Variants in GRID2 observed in about 807,000 individuals in gnomAD.
GRID2 encodes the protein glutamate ionotropic receptor delta type subunit 2.
A neutral mutation model predicts 114.8 loss-of-function variants in GRID2; 33 were observed. That is an observed-to-expected ratio of 0.29 (90% confidence interval 0.22 to 0.38). The LOEUF is 0.38. Among genes scored for constraint, GRID2 ranks in the 10% least tolerant of loss-of-function variants. GRID2 has a pLI of 1.00. For missense variants in GRID2, 1,184 were observed against 1,257.7 expected, an observed-to-expected ratio of 0.94 and a Z score of 0.89; for synonymous variants, 505 against 449.9, an observed-to-expected ratio of 1.12 and a Z score of -1.55.
intron 2 of GRID2, among the ~76,000 whole-genome samples, chr4:92,638,922 T>C (rs1206465936): frequency 1.3e-5 from 2 of 151,254 alleles, no homozygotes; most frequent in African/African-American, 2.4e-5. Flanking sequence ...CAAAATGTGT[T>C]TGATTTTCAA....
chr4:93,268,254 G>A (rs1411705225), intron 8 of GRID2, among the ~76,000 whole-genome samples: 1 of 152,058 alleles, frequency 6.6e-6, no homozygotes, highest in Non-Finnish European at 1.5e-5. Flanking sequence ...CACCATCTGG[G>A]GAAAAACACT....
rs559176745 is a variant in GRID2, at chr4:92,763,063, G to T, written c.244+172777G>T. 7.9e-5 allele frequency among the ~76,000 whole-genome samples: 12 copies of T among 152,300 alleles called. No individual in the cohort carries two copies. The East Asian group carries it at 2.3e-3, about 29-fold the overall frequency. On this transcript the variant is annotated intron_variant, in intron 2 of 15. Coordinates refer to ENST00000282020, the MANE Select transcript of GRID2 (RefSeq NM_001510.4). ...AAAAGAGTATCAGCCGACTTTGGGA[G>T]TATACACACTGCCAAGACTTTTTTT...
chr4:92,481,135 A>G (rs1057270239), intron 1 of GRID2, among the ~76,000 whole-genome samples: 3 of 152,212 alleles, frequency 2.0e-5, no homozygotes, highest in Non-Finnish European at 4.4e-5. Flanking sequence ...CAGAATTAAT[A>G]TAGCTGTACT....
chr4:93,148,977 C>T (rs1736496005), intron 4 of GRID2, among the ~76,000 whole-genome samples: 1 of 152,030 alleles, frequency 6.6e-6, no homozygotes, highest in African/African-American at 2.4e-5. Flanking sequence ...TTTGCTTAGG[C>T]AAATGGCATC....
intron 2 of GRID2, among the ~76,000 whole-genome samples, chr4:92,987,603 AT>A (rs1274536078): frequency 3.9e-5 from 6 of 152,086 alleles, no homozygotes; most frequent in East Asian, 1.9e-4. Flanking sequence ...TTAAAAAAAA[AT>A]AAAAATAAGA....
intron 1 of GRID2, among the ~76,000 whole-genome samples, chr4:92,307,391 A>G (rs1725463127): frequency 6.6e-6 from 1 of 152,090 alleles, no homozygotes; most frequent in Non-Finnish European, 1.5e-5. Flanking sequence ...GTGTTCAAGC[A>G]GAAAGTAGCT....
At chr4:92,638,999 A>T (rs1057227691) in intron 2 of GRID2, among the ~76,000 whole-genome samples, 2 of 151,286 alleles carry the variant, frequency 1.3e-5, no homozygotes, top group African/African-American at 4.8e-5. Flanking sequence ...TTTGATAAGT[A>T]CGCATAATTT....
intron 2 of GRID2, among the ~76,000 whole-genome samples, chr4:92,660,705 A>G (rs1041400090): frequency 5.3e-5 from 8 of 151,202 alleles, no homozygotes; most frequent in Admixed American, 4.6e-4. Context: ...CCTCATACTT[A>G]TATATAAATA....
intron 8 of GRID2, among the ~76,000 whole-genome samples, chr4:93,241,768 A>C (rs1747538370): frequency 6.6e-6 from 1 of 151,542 alleles, no homozygotes; most frequent in Admixed American, 6.6e-5. Context: ...GTAGAGGGGT[A>C]ATGCCATATG....
intron 4 of GRID2, among the ~76,000 whole-genome samples, chr4:93,132,656 C>T (rs1156424134): frequency 6.6e-6 from 1 of 152,132 alleles, no homozygotes; most frequent in East Asian, 1.9e-4. Context: ...TCTGTTAAAA[C>T]ATAAAAGATG....
At position 92,920,684 on chromosome 4, in the gene GRID2, C is replaced by A. The variant is rs377326106; in HGVS notation, c.245-164311C>A. Among the ~76,000 whole-genome samples, 35 of 152,322 alleles carry A rather than the reference C, an allele frequency of 2.3e-4. No individual in the cohort carries two copies. In the East Asian group the frequency reaches 6.0e-3, roughly 26 times the overall value. On this transcript the variant is annotated intron_variant, in intron 2 of 15. Coordinates refer to ENST00000282020, the MANE Select transcript of GRID2 (RefSeq NM_001510.4). ...AATGTTGAATATTGGCCCCCACTCT[C>A]TTCTGGCTTGTAGAGTTTCTGCGGA...
rs564316683 is a variant in GRID2, at chr4:92,599,455, G to T, written c.244+9169G>T. Among the ~76,000 whole-genome samples, 4 of 152,114 alleles carry T rather than the reference G, an allele frequency of 2.6e-5. No homozygotes were observed. In the East Asian group the frequency reaches 7.7e-4, roughly 29 times the overall value. On this transcript the variant is annotated intron_variant, in intron 2 of 15. Transcript: ENST00000282020. Reference sequence around the variant, plus strand: ...TTATATCTGACATGATTGTTTAAAAGGTTATCTTTCCATGCTTTGCACATT... The same window carrying T: ...TTATATCTGACATGATTGTTTAAAATGTTATCTTTCCATGCTTTGCACATT...
chr4:92,876,582 G>A (rs926163905), intron 2 of GRID2, among the ~76,000 whole-genome samples: 2 of 152,100 alleles, frequency 1.3e-5, no homozygotes, highest in Admixed American at 6.6e-5. Flanking sequence ...TAGGATTACA[G>A]GCGTGAGCCA....
intron 1 of GRID2, among the ~76,000 whole-genome samples, chr4:92,330,663 A>G (rs1726836505): frequency 6.6e-6 from 1 of 152,106 alleles, no homozygotes; most frequent in Non-Finnish European, 1.5e-5. Context: ...AATATAATAT[A>G]AACTTAAGTT....
intron 4 of GRID2, among the ~76,000 whole-genome samples, chr4:93,117,582 T>C (rs930204028): frequency 6.6e-6 from 1 of 152,170 alleles, no homozygotes; most frequent in African/African-American, 2.4e-5. Flanking sequence ...AGCTGCTCTC[T>C]GCATTCTTGT....
At chr4:93,367,855 T>C (rs150664685) in intron 8 of GRID2, among the ~76,000 whole-genome samples, 258 of 152,270 alleles carry the variant, frequency 1.7e-3, no homozygotes, top group African/African-American at 6.0e-3. Context: ...ATTGTGAGTG[T>C]TGGATTGAAT....
At chr4:93,105,639 C>T (rs995081349) in intron 3 of GRID2, among the ~76,000 whole-genome samples, 5 of 152,092 alleles carry the variant, frequency 3.3e-5, no homozygotes, top group African/African-American at 1.2e-4. Context: ...ATTTCCTTGC[C>T]TTTTCCACCT....
chr4:92,753,841 T>C (rs1479752105), intron 2 of GRID2, among the ~76,000 whole-genome samples: 1 of 152,150 alleles, frequency 6.6e-6, no homozygotes, highest in African/African-American at 2.4e-5. Flanking sequence ...TAAGATTAAG[T>C]AAAAATAAGA....
At chr4:92,882,514 T>G (rs1159480724) in intron 2 of GRID2, among the ~76,000 whole-genome samples, 1 of 152,152 alleles carries the variant, frequency 6.6e-6, no homozygotes, top group Non-Finnish European at 1.5e-5. Context: ...TTTTTTTAAT[T>G]TCAAATGCCT....
Sources: gnomAD v4.1 joint callset for allele counts (sites outside exome capture counted in the v4.1 genomes callset) on GRCh38, gnomAD v4.1.1 for gene constraint, MANE v1.5 for transcripts, NCBI Gene and HGNC (gene_info 2026-07-23, HGNC 2026-07-21) for gene names.